Variants in PARD3 observed in about 807,000 individuals in gnomAD.
PARD3 encodes the protein par-3 family cell polarity regulator, also known as partitioning defective 3 homolog.
A neutral mutation model predicts 155.4 loss-of-function variants in PARD3; 75 were observed. The observed-to-expected ratio is 0.48, with a 90% CI of 0.40 to 0.58. The LOEUF (loss-of-function observed/expected upper bound fraction) is 0.58, where lower values mean the gene tolerates loss of function less well. Ranked by LOEUF, PARD3 falls within the 20% of genes least tolerant of loss-of-function variation. The pLI is 0.00. For missense variants in PARD3, 1,642 were observed against 1,721.7 expected, an observed-to-expected ratio of 0.95 and a Z score of 0.82; for synonymous variants, 576 against 610.5, an observed-to-expected ratio of 0.94 and a Z score of 0.83.
At chr10:34,484,288 A>C (rs781085676) in intron 3 of PARD3, among the ~76,000 whole-genome samples, 3 of 152,230 alleles carry the variant, frequency 2.0e-5, no homozygotes, top group Non-Finnish European at 2.9e-5. Context: ...AGCTACAAAT[A>C]AATTTTAGCA....
At chr10:34,255,142 T>C (rs1588953134) in intron 22 of PARD3, among the ~76,000 whole-genome samples, 1 of 152,128 alleles carries the variant, frequency 6.6e-6, no homozygotes, top group Admixed American at 6.6e-5. Context: ...AATCATTTTT[T>C]AGATCTCCCT....
At chr10:34,780,057 C>T (rs926988474) in intron 1 of PARD3, among the ~76,000 whole-genome samples, 2 of 152,168 alleles carry the variant, frequency 1.3e-5, no homozygotes, top group African/African-American at 4.8e-5. Context: ...CTTCTTTCCC[C>T]GGAAGATGCA....
chr10:34,633,678 T>G (rs779858570), intron 2 of PARD3, among the ~76,000 whole-genome samples: 1 of 152,222 alleles, frequency 6.6e-6, no homozygotes, highest in Non-Finnish European at 1.5e-5. Flanking sequence ...TTTCAAATCT[T>G]TCAGGTAAAC....
At chr10:34,245,041 G>A (rs1953853557) in intron 22 of PARD3, among the ~76,000 whole-genome samples, 1 of 151,318 alleles carries the variant, frequency 6.6e-6, no homozygotes, top group African/African-American at 2.5e-5. Context: ...CACCAAAGAA[G>A]ATGTCGGGAG....
chr10:34,561,582 G>A (rs896999855), intron 2 of PARD3, among the ~76,000 whole-genome samples: 2 of 151,636 alleles, frequency 1.3e-5, no homozygotes, highest in Non-Finnish European at 2.9e-5. Context: ...GCAATGGCGC[G>A]ATCTCGGCTC....
At chr10:34,244,563 T>G (rs1198696864) in intron 22 of PARD3, among the ~76,000 whole-genome samples, 4 of 152,182 alleles carry the variant, frequency 2.6e-5, no homozygotes, top group South Asian at 4.1e-4. Flanking sequence ...CAATTCTGAA[T>G]TATGGTTATT....
intron 5 of PARD3, among the ~76,000 whole-genome samples, chr10:34,431,480 G>A (rs1259361565): frequency 1.3e-5 from 2 of 152,188 alleles, no homozygotes; most frequent in Non-Finnish European, 2.9e-5. Flanking sequence ...AGGGGCTCAC[G>A]CCTGTAATCC....
intron 2 of PARD3, among the ~76,000 whole-genome samples, chr10:34,536,079 C>T (rs917050614): frequency 4.6e-5 from 7 of 152,194 alleles, no homozygotes; most frequent in Admixed American, 2.6e-4. Context: ...TTCTTCACCA[C>T]TGATTCATCA....
chr10:34,448,049 G>A (rs2076846282), intron 5 of PARD3, among the ~76,000 whole-genome samples: 1 of 151,800 alleles, frequency 6.6e-6, no homozygotes, highest in South Asian at 2.1e-4. Context: ...GTACACAGAA[G>A]CATAAATTCA....
chr10:34,762,198 C>A (rs1163365654), intron 1 of PARD3, among the ~76,000 whole-genome samples: 1 of 151,940 alleles, frequency 6.6e-6, no homozygotes, highest in Admixed American at 6.6e-5. Context: ...CATTTATCAA[C>A]CCACTTTACT....
chr10:34,539,429 G>A (rs1238166811), intron 2 of PARD3, among the ~76,000 whole-genome samples: 3 of 152,184 alleles, frequency 2.0e-5, no homozygotes, highest in Non-Finnish European at 4.4e-5. Context: ...AGCACTTTGG[G>A]AAGCCAAGGC....
intron 1 of PARD3, among the ~76,000 whole-genome samples, chr10:34,773,979 A>T (rs1839224000): frequency 6.6e-6 from 1 of 152,226 alleles, no homozygotes; most frequent in Non-Finnish European, 1.5e-5. Flanking sequence ...TCTGGGAAAT[A>T]AAATGTGCTT....
chr10:34,426,986 A>G (rs543421678), intron 5 of PARD3, among the ~76,000 whole-genome samples: 1 of 152,326 alleles, frequency 6.6e-6, no homozygotes, highest in East Asian at 1.9e-4. Flanking sequence ...TTCCCCAATC[A>G]ATACTCTTGT....
chr10:34,307,743 T>G lies in PARD3; in HGVS notation c.3065+9364A>C, dbSNP rs565186428. Among the ~76,000 whole-genome samples the G allele has an allele frequency of 1.8e-3, 279 of 151,646 alleles. 1 individual carries two copies. The highest frequency in any genetic ancestry group is 6.3e-3 in the African/African-American group (261 of 41,316). ...AGGCAGAGAATGGCCACTGAAGGGGTTTGGCAATGGGCATCTGTTACACTT... is the reference window on the plus strand; with the variant it reads ...AGGCAGAGAATGGCCACTGAAGGGGGTTGGCAATGGGCATCTGTTACACTT... On this transcript the variant is annotated intron_variant, in intron 20 of 24. Coordinates refer to ENST00000374788, the MANE Select transcript of PARD3 (RefSeq NM_001184785.2).
chr10:34,200,288 C>T (rs1269251269), intron 22 of PARD3, among the ~76,000 whole-genome samples: 2 of 152,026 alleles, frequency 1.3e-5, no homozygotes, highest in Admixed American at 6.6e-5. Flanking sequence ...GAGCAAGACC[C>T]GAGACTGCTG....
At chr10:34,809,338 T>C (rs1051350055) in intron 1 of PARD3, among the ~76,000 whole-genome samples, 4 of 151,956 alleles carry the variant, frequency 2.6e-5, no homozygotes, top group Non-Finnish European at 5.9e-5. Context: ...GCTTCAAGCA[T>C]TTCACCCGGA....
chr10:34,509,167 G>A (rs569787359), intron 3 of PARD3, among the ~76,000 whole-genome samples: 1 of 151,836 alleles, frequency 6.6e-6, no homozygotes, highest in South Asian at 2.1e-4. Context: ...AAATCTGGGT[G>A]GGGAAAAAAA....
At chr10:34,114,789 A>G (rs187225070) in intron 24 of PARD3, among the ~76,000 whole-genome samples, 48 of 152,372 alleles carry the variant, frequency 3.2e-4, no homozygotes, top group Non-Finnish European at 6.5e-4. Context: ...ATCAGACGGA[A>G]GCCCATGTTC....
At chr10:34,581,755 T>G (rs957918100) in intron 2 of PARD3, among the ~76,000 whole-genome samples, 1 of 151,894 alleles carries the variant, frequency 6.6e-6, no homozygotes, top group Admixed American at 6.6e-5. Flanking sequence ...TGGTGTAGAG[T>G]TGAACCACAG....
Sources: allele counts gnomAD v4.1 joint callset (sites outside exome capture counted in the v4.1 genomes callset), GRCh38; gene constraint gnomAD v4.1.1; transcripts MANE v1.5; gene names NCBI Gene and HGNC (gene_info 2026-07-23, HGNC 2026-07-21).